Variants in TAFA4 observed in about 807,000 individuals in gnomAD.
TAFA4 encodes the protein chemokine-like protein TAFA-4.
TAFA4 carries 20 observed loss-of-function variants against 21.1 expected under a neutral mutation model. The observed-to-expected ratio is 0.95, with a 90% CI of 0.67 to 1.38. The LOEUF is 1.38. TAFA4 is among the 40% of genes most tolerant of loss of function. The probability of loss-of-function intolerance (pLI) is 0.00; values close to 1 mark genes in which losing one functional copy is unlikely to be tolerated. For missense variants in TAFA4, 211 were observed against 180.9 expected, an observed-to-expected ratio of 1.17 and a Z score of -0.95; for synonymous variants, 71 against 67.4, an observed-to-expected ratio of 1.05 and a Z score of -0.26.
chr3:68,820,384 T>A (rs1184390672), intron 3 of TAFA4, among the ~76,000 whole-genome samples: 1 of 152,106 alleles, frequency 6.6e-6, no homozygotes, highest in Non-Finnish European at 1.5e-5. Context: ...TATTACAGAC[T>A]TAAAAATTGC....
At chr3:68,850,362 CATGGAGTAT>C (rs879172991) in intron 3 of TAFA4, among the ~76,000 whole-genome samples, 2 of 152,282 alleles carry the variant, frequency 1.3e-5, no homozygotes, top group Admixed American at 1.3e-4. Flanking sequence ...CCCCTATCCC[CATGGAGTAT>C]ATGTCTTAGT....
At chr3:68,745,736 T>C (rs1396504566) in intron 4 of TAFA4, among the ~76,000 whole-genome samples, 2 of 152,258 alleles carry the variant, frequency 1.3e-5, no homozygotes, top group Admixed American at 6.5e-5. Flanking sequence ...AACACAATTA[T>C]GTATTCATAC....
intron 3 of TAFA4, among the ~76,000 whole-genome samples, chr3:68,844,456 T>TAA (rs369995023): frequency 1.6e-4 from 24 of 148,942 alleles, no homozygotes; most frequent in East Asian, 5.9e-4. Flanking sequence ...TGTTAATCTT[T>TAA]AAAAAAAAAA....
chr3:68,862,881 A>AC (rs71112675), intron 3 of TAFA4, among the ~76,000 whole-genome samples: 1 of 151,364 alleles, frequency 6.6e-6, no homozygotes. Flanking sequence ...ACACACACAC[A>AC]ATCATTTTGC....
chr3:68,857,735 C>T (rs1705101731), intron 3 of TAFA4, among the ~76,000 whole-genome samples: 1 of 151,820 alleles, frequency 6.6e-6, no homozygotes, highest in Admixed American at 6.6e-5. Context: ...CAAGACTGTT[C>T]CGACCAATGA....
intron 3 of TAFA4, among the ~76,000 whole-genome samples, chr3:68,874,093 A>G (rs1361100147): frequency 6.8e-6 from 1 of 147,228 alleles, no homozygotes; most frequent in African/African-American, 2.4e-5. Context: ...CAGCTAAGAA[A>G]AAAACAGAGC....
chr3:68,909,133 C>T (rs534136074), intron 1 of TAFA4, among the ~76,000 whole-genome samples: 49 of 152,190 alleles, frequency 3.2e-4, no homozygotes, highest in African/African-American at 6.5e-4. Flanking sequence ...CTCTAGACAA[C>T]GCCATATGCC....
At chr3:68,865,264 T>A (rs1049345127) in intron 3 of TAFA4, among the ~76,000 whole-genome samples, 4 of 152,138 alleles carry the variant, frequency 2.6e-5, no homozygotes, top group African/African-American at 9.7e-5. Flanking sequence ...CAATTTATTT[T>A]TTTTTTAATT....
chr3:68,851,305 T>A (rs888852669), intron 3 of TAFA4, among the ~76,000 whole-genome samples: 2 of 151,736 alleles, frequency 1.3e-5, no homozygotes, highest in East Asian at 1.9e-4. Context: ...TACATGGACA[T>A]AGGGAGGGGA....
At chr3:68,791,457 G>T (rs949537363) in intron 3 of TAFA4, among the ~76,000 whole-genome samples, 1 of 152,160 alleles carries the variant, frequency 6.6e-6, no homozygotes, top group African/African-American at 2.4e-5. Flanking sequence ...AGGGAGCATA[G>T]CCCTGCCAAC....
Position 68,862,953 on chromosome 3 carries a change from G to A in TAFA4, c.130+17777C>T, listed in dbSNP as rs149948487. On this transcript the variant is annotated intron_variant, in intron 3 of 5. Coordinates refer to ENST00000295569, the MANE Select transcript of TAFA4 (RefSeq NM_182522.5). ...TTACTAGTAAGAATAAAGTTCAAGAGCCAGGCGCAGTGGCTCATGCCTGTA... is the reference window on the plus strand; with the variant it reads ...TTACTAGTAAGAATAAAGTTCAAGAACCAGGCGCAGTGGCTCATGCCTGTA... Among the ~76,000 whole-genome samples, 387 of 151,860 alleles carry A rather than the reference G, an allele frequency of 2.5e-3. 1 individual carries two copies. Among genetic ancestry groups the A allele is most frequent in the African/African-American group, 8.7e-3 (358 of 41,380 alleles).
chr3:68,862,292 T>C (rs1008976714), intron 3 of TAFA4, among the ~76,000 whole-genome samples: 3 of 152,108 alleles, frequency 2.0e-5, no homozygotes, highest in African/African-American at 7.2e-5. Context: ...ATATTGTAAG[T>C]GCATAAAACA....
intron 3 of TAFA4, among the ~76,000 whole-genome samples, chr3:68,837,326 A>C (rs1327720891): frequency 6.6e-6 from 1 of 152,210 alleles, no homozygotes; most frequent in Non-Finnish European, 1.5e-5. Flanking sequence ...ACATTTTAAC[A>C]AGATACCCAG....
chr3:68,772,809 C>T (rs1702982664), intron 3 of TAFA4, among the ~76,000 whole-genome samples: 11 of 152,126 alleles, frequency 7.2e-5, no homozygotes, highest in Admixed American at 7.2e-4. Context: ...ATCACATGAG[C>T]CAGTTCCCCT....
At chr3:68,924,529 C>A (rs1398476481) in intron 1 of TAFA4, among the ~76,000 whole-genome samples, 1 of 151,984 alleles carries the variant, frequency 6.6e-6, no homozygotes, top group Admixed American at 6.6e-5. Flanking sequence ...TTTTGCACCA[C>A]GAAAAAGGTT....
chr3:68,794,485 T>C (rs1703419786), intron 3 of TAFA4, among the ~76,000 whole-genome samples: 1 of 152,216 alleles, frequency 6.6e-6, no homozygotes, highest in South Asian at 2.1e-4. Context: ...AGCCTTCAGA[T>C]GACTTTCTCT....
At chr3:68,804,174 C>A (rs1405577608) in intron 3 of TAFA4, among the ~76,000 whole-genome samples, 1 of 151,994 alleles carries the variant, frequency 6.6e-6, no homozygotes, top group African/African-American at 2.4e-5. Flanking sequence ...TCAATTCAAC[C>A]CCTTAAGGAA....
At chr3:68,839,478 G>A (rs1575634462) in intron 3 of TAFA4, among the ~76,000 whole-genome samples, 2 of 152,152 alleles carry the variant, frequency 1.3e-5, no homozygotes, top group Admixed American at 1.3e-4. Context: ...CCCAAATATT[G>A]TAGTCAAGGC....
chr3:68,915,181 A>G (rs977779131), intron 1 of TAFA4, among the ~76,000 whole-genome samples: 4 of 152,178 alleles, frequency 2.6e-5, no homozygotes, highest in African/African-American at 9.7e-5. Context: ...AATACCCACC[A>G]TGATTAATTC....
Sources: allele counts gnomAD v4.1 joint callset (sites outside exome capture counted in the v4.1 genomes callset), GRCh38; gene constraint gnomAD v4.1.1; transcripts MANE v1.5; gene names NCBI Gene and HGNC (gene_info 2026-07-23, HGNC 2026-07-21).